Variants in ENTREP2 observed in about 807,000 individuals in gnomAD.
ENTREP2 encodes endosomal transmembrane epsin interactor 2.
the ENTREP2 span, among the ~76,000 whole-genome samples, chr15:29,201,153 T>C: frequency 6.6e-6 from 1 of 152,330 alleles, no homozygotes; most frequent in African/African-American, 2.4e-5. Context: ...AAGAGGCTTG[T>C]TTGTTCTGTT....
chr15:29,330,555 C>T, the ENTREP2 span, among the ~76,000 whole-genome samples: 1 of 152,128 alleles, frequency 6.6e-6, no homozygotes, highest in African/African-American at 2.4e-5. Context: ...GGGCACCCTA[C>T]GTAACACTGA....
chr15:29,588,647 G>A, the ENTREP2 span, among the ~76,000 whole-genome samples: 1 of 151,800 alleles, frequency 6.6e-6, no homozygotes, highest in African/African-American at 2.4e-5. Context: ...GAAGGAGAAA[G>A]AGGAAACCTG....
chr15:29,508,119 A>G, the ENTREP2 span, among the ~76,000 whole-genome samples: 1 of 152,134 alleles, frequency 6.6e-6, no homozygotes, highest in Admixed American at 6.5e-5. Context: ...TACTATAAAC[A>G]CCTCTATGCG....
the ENTREP2 span, among the ~76,000 whole-genome samples, chr15:29,403,360 GAA>G: frequency 2.0e-5 from 3 of 152,064 alleles, no homozygotes; most frequent in African/African-American, 7.2e-5. Context: ...TGCCCTGCTT[GAA>G]AAAGAGTATT....
the ENTREP2 span, among the ~76,000 whole-genome samples, chr15:29,318,054 G>A: frequency 1.3e-5 from 2 of 152,178 alleles, no homozygotes; most frequent in South Asian, 2.1e-4. Context: ...TAAATTTTCC[G>A]CGTTTCCAGA....
At chr15:29,522,279 T>C in the ENTREP2 span, among the ~76,000 whole-genome samples, 2 of 152,148 alleles carry the variant, frequency 1.3e-5, no homozygotes, top group East Asian at 3.9e-4. Context: ...CAAAACACAC[T>C]GTAAAGGGAA....
At chr15:29,643,445 A>G in the ENTREP2 span, among the ~76,000 whole-genome samples, 1 of 152,164 alleles carries the variant, frequency 6.6e-6, no homozygotes, top group African/African-American at 2.4e-5. Flanking sequence ...CACATCCAAC[A>G]GAAAATCTAG....
At chr15:29,388,216 C>T in the ENTREP2 span, among the ~76,000 whole-genome samples, 1 of 152,188 alleles carries the variant, frequency 6.6e-6, no homozygotes, top group Non-Finnish European at 1.5e-5. Context: ...TTGCAATCTA[C>T]TCATCTGCCA....
the ENTREP2 span, among the ~76,000 whole-genome samples, chr15:29,162,624 C>T: frequency 2.0e-5 from 3 of 152,128 alleles, no homozygotes; most frequent in African/African-American, 7.2e-5. Flanking sequence ...CTGGGAATCT[C>T]ACACCCATCC....
chr15:29,135,251 T>C, the ENTREP2 span, among the ~76,000 whole-genome samples: 1 of 152,144 alleles, frequency 6.6e-6, no homozygotes, highest in Non-Finnish European at 1.5e-5. This position sits in a 1 kb window ranked among gnomAD's most constrained non-coding sequence, Gnocchi z 7.4. Flanking sequence ...ACGGGAGTTC[T>C]CTGCATTTCC....
the ENTREP2 span, among the ~76,000 whole-genome samples, chr15:29,213,722 A>G: frequency 6.6e-6 from 1 of 152,230 alleles, no homozygotes; most frequent in East Asian, 1.9e-4. Context: ...ATATACTATC[A>G]CAGCAAAAGA....
the ENTREP2 span, among the ~76,000 whole-genome samples, chr15:29,666,968 C>T: frequency 2.0e-5 from 3 of 152,122 alleles, no homozygotes; most frequent in African/African-American, 7.2e-5. Flanking sequence ...AGTTTATAGA[C>T]GCGTCATTCC....
chr15:29,163,472 A>C, the ENTREP2 span, among the ~76,000 whole-genome samples: 3 of 152,128 alleles, frequency 2.0e-5, no homozygotes, highest in South Asian at 2.1e-4. Context: ...AGAAAAAAAA[A>C]TAAATAAAAA....
chr15:29,151,724 G>A, the ENTREP2 span: 1 of 1,545,010 alleles, frequency 6.5e-7, no homozygotes, highest in East Asian at 2.4e-5. Flanking sequence ...GAGGGGATCA[G>A]GCCACTCACC....
the ENTREP2 span, among the ~76,000 whole-genome samples, chr15:29,273,902 T>C: frequency 6.6e-6 from 1 of 152,182 alleles, no homozygotes; most frequent in Admixed American, 6.5e-5. Context: ...TTCCCTACTT[T>C]TGAGGTTTTG....
chr15:29,203,079 T>G, the ENTREP2 span, among the ~76,000 whole-genome samples: 241 of 152,332 alleles, frequency 1.6e-3, no homozygotes, highest in Non-Finnish European at 2.8e-3. Context: ...CCACAATGGT[T>G]GAACTAATTT....
chr15:29,516,035 G>T, the ENTREP2 span, among the ~76,000 whole-genome samples: 4 of 152,224 alleles, frequency 2.6e-5, no homozygotes, highest in South Asian at 8.3e-4. Context: ...ACAATGAACA[G>T]CAGAGCCTCA....
the ENTREP2 span, among the ~76,000 whole-genome samples, chr15:29,550,329 T>C: frequency 2.0e-5 from 3 of 152,144 alleles, no homozygotes; most frequent in East Asian, 3.8e-4. Flanking sequence ...TGATCACCAA[T>C]GAGCAAGTCC....
chr15:29,246,261 C>T, the ENTREP2 span, among the ~76,000 whole-genome samples: 1 of 151,172 alleles, frequency 6.6e-6, no homozygotes, highest in Non-Finnish European at 1.5e-5. Flanking sequence ...TGTGGTGGCA[C>T]ATGCCTGTAG....
Sources: gnomAD v4.1 joint callset for allele counts (sites outside exome capture counted in the v4.1 genomes callset) on GRCh38, gnomAD v4.1.1 for gene constraint, Gnocchi (gnomAD v3.1) non-coding constraint, MANE v1.5 for transcripts, NCBI Gene and HGNC (gene_info 2026-07-23, HGNC 2026-07-21) for gene names.